SPATS2: variants seen among roughly 807,000 people sequenced by gnomAD.
The protein encoded by SPATS2 is spermatogenesis associated serine rich 2.
In SPATS2, 38 loss-of-function variants were observed where a neutral mutation model predicts 63.7. That is an observed-to-expected ratio of 0.60 (90% CI 0.46 to 0.78). The LOEUF (loss-of-function observed/expected upper bound fraction) is 0.78, where lower values mean the gene tolerates loss of function less well. SPATS2 is among the 30% of genes least tolerant of loss of function. SPATS2 has a pLI of 0.00. For missense variants in SPATS2, 588 were observed against 666.2 expected (o/e 0.88, Z 1.29); for synonymous variants, 207 against 232.9 (o/e 0.89, Z 1.01).
intron 2 of SPATS2, among the ~76,000 whole-genome samples, chr12:49,434,128 G>A (rs1175227378): frequency 1.3e-5 from 2 of 151,958 alleles, no homozygotes; most frequent in African/African-American, 2.4e-5. Flanking sequence ...ATTCTATTCC[G>A]TTAGTCTAAA....
At chr12:49,514,747 C>T in intron 10 of SPATS2, 134 bp downstream of exon 10, 1 of 714,278 alleles carries the variant, frequency 1.4e-6, no homozygotes, top group South Asian at 2.1e-5. Flanking sequence ...TAAGCAGTTG[C>T]ACTGTACTGG....
At chr12:49,483,149 A>C (rs1047585676) in intron 3 of SPATS2, among the ~76,000 whole-genome samples, 34 of 145,990 alleles carry the variant, frequency 2.3e-4, no homozygotes, top group Admixed American at 2.0e-3. Flanking sequence ...AAAAAAAAAA[A>C]AAAACAGAGC....
intron 3 of SPATS2, among the ~76,000 whole-genome samples, chr12:49,479,560 G>T (rs374952161): frequency 6.6e-6 from 1 of 152,156 alleles, no homozygotes; most frequent in African/African-American, 2.4e-5. Context: ...TTCATGGAGC[G>T]GGAGGCCTGA....
At chr12:49,446,585 C>A (rs79701292) in intron 2 of SPATS2, among the ~76,000 whole-genome samples, 3 of 152,192 alleles carry the variant, frequency 2.0e-5, no homozygotes, top group African/African-American at 7.2e-5. Context: ...CTCCTGGCCC[C>A]CTTCAAAGCC....
intron 4 of SPATS2, among the ~76,000 whole-genome samples, chr12:49,487,498 A>C (rs944960699): frequency 1.3e-5 from 2 of 152,208 alleles, no homozygotes; most frequent in Non-Finnish European, 2.9e-5. Flanking sequence ...AAAATAAAAA[A>C]ACGGTCAGTG....
chr12:49,475,714 T>C (rs2137780524), intron 3 of SPATS2, among the ~76,000 whole-genome samples: 1 of 152,316 alleles, frequency 6.6e-6, no homozygotes, highest in South Asian at 2.1e-4. Context: ...AGTGCTGGGA[T>C]TACAGGCATG....
intron 4 of SPATS2, among the ~76,000 whole-genome samples, chr12:49,486,712 C>G (rs1454927336): frequency 1.3e-5 from 2 of 149,122 alleles, no homozygotes; most frequent in African/African-American, 5.0e-5. Context: ...ACCTGGGAGG[C>G]AGAGCTTGCA....
intron 10 of SPATS2, 138 bp downstream of exon 10, chr12:49,514,751 G>A (rs1946810837): frequency 1.5e-6 from 1 of 648,048 alleles, no homozygotes; most frequent in African/African-American, 1.9e-5. Context: ...CAGTTGCACT[G>A]TACTGGCATA....
At chr12:49,445,933 C>T (rs1420061693) in intron 2 of SPATS2, among the ~76,000 whole-genome samples, 3 of 152,064 alleles carry the variant, frequency 2.0e-5, no homozygotes, top group East Asian at 1.9e-4. Context: ...GAGACAGAGT[C>T]GCACTCTGTA....
chr12:49,460,882 G>C lies in SPATS2; in HGVS notation c.-131G>C. 5.6e-6 allele frequency: 5 copies of C among 895,198 alleles called. No homozygotes were observed. Among genetic ancestry groups the C allele is most frequent in the Non-Finnish European group, 8.8e-6 (5 of 570,102 alleles). The allele number at this position is 895,198 out of a possible 1,614,324, so 55.5% of individuals were successfully genotyped here. On this transcript the variant is annotated 5_prime_UTR_variant, in exon 3 of 14. Transcript: ENST00000552918. ...TAGTGAGCAGAATTTCGAACAGCAG[G>C]ATTTCGTATTTTTTGCTTCCAACTG...
chr12:49,417,207 AAAAG>A (rs1944903570), intron 2 of SPATS2, among the ~76,000 whole-genome samples: 1 of 152,232 alleles, frequency 6.6e-6, no homozygotes, highest in South Asian at 2.1e-4. Context: ...AGAGGAAACA[AAAAG>A]AAATTAAAAT....
At chr12:49,437,202 G>T (rs1199900979) in intron 2 of SPATS2, among the ~76,000 whole-genome samples, 1 of 150,992 alleles carries the variant, frequency 6.6e-6, no homozygotes, top group Non-Finnish European at 1.5e-5. Flanking sequence ...CGGGGCGGCC[G>T]GGCAGAGACG....
chr12:49,475,815 G>T (rs142517819), intron 3 of SPATS2, among the ~76,000 whole-genome samples: 2 of 152,102 alleles, frequency 1.3e-5, no homozygotes, highest in African/African-American at 4.8e-5. Flanking sequence ...ATTTCATTTC[G>T]TATGTAGGAA....
chr12:49,462,601 G>A (rs1945841533), intron 3 of SPATS2: 2 of 598,570 alleles, frequency 3.3e-6, no homozygotes, highest in Non-Finnish European at 6.0e-6. Context: ...CTGGTGTCCA[G>A]GAAAAATGAG....
intron 2 of SPATS2, among the ~76,000 whole-genome samples, chr12:49,396,200 C>T (rs1035089137): frequency 1.3e-5 from 2 of 152,104 alleles, no homozygotes; most frequent in African/African-American, 2.4e-5. Flanking sequence ...CTACAATGAA[C>T]GTAGGAATGA....
At chr12:49,421,841 A>G (rs1944989830) in intron 2 of SPATS2, among the ~76,000 whole-genome samples, 4 of 152,188 alleles carry the variant, frequency 2.6e-5, no homozygotes. Context: ...TGTAGCTTCA[A>G]ATATTTGGGT....
At chr12:49,414,371 T>A (rs1274722830) in intron 2 of SPATS2, among the ~76,000 whole-genome samples, 1 of 152,144 alleles carries the variant, frequency 6.6e-6, no homozygotes, top group Non-Finnish European at 1.5e-5. Context: ...ACCTTAAATG[T>A]CTTTGACATC....
intron 2 of SPATS2, among the ~76,000 whole-genome samples, chr12:49,391,409 G>T (rs1944416735): frequency 6.6e-6 from 1 of 152,200 alleles, no homozygotes; most frequent in Non-Finnish European, 1.5e-5. Context: ...CTACTCGGGA[G>T]GCTGAGGCAG....
chr12:49,525,850 A>C, intron 13 of SPATS2, 94 bp from the exon 14 acceptor site: 1 of 1,364,482 alleles, frequency 7.3e-7, no homozygotes, highest in South Asian at 1.5e-5. Context: ...AGCATGGGAT[A>C]CCACAATTCT....
Sources: allele counts gnomAD v4.1 joint callset (sites outside exome capture counted in the v4.1 genomes callset), GRCh38; gene constraint gnomAD v4.1.1; transcripts MANE v1.5; gene names NCBI Gene and HGNC (gene_info 2026-07-23, HGNC 2026-07-21).